LUZP2: variants seen among roughly 807,000 people sequenced by gnomAD.
The protein encoded by LUZP2 is leucine zipper protein 2.
In LUZP2, 52 loss-of-function variants were observed where a neutral mutation model predicts 51.6. That is an observed-to-expected ratio of 1.01 (90% CI 0.81 to 1.27). The LOEUF (loss-of-function observed/expected upper bound fraction) is 1.27. LUZP2 is among the 50% of genes most tolerant of loss of function. The pLI is 0.00. For missense variants in LUZP2, 436 were observed against 395.4 expected, an observed-to-expected ratio of 1.10 and a Z score of -0.87; for synonymous variants, 154 against 137.3, an observed-to-expected ratio of 1.12 and a Z score of -0.85.
intron 7 of LUZP2, among the ~76,000 whole-genome samples, chr11:24,918,693 CA>C (rs1853886188): frequency 6.6e-6 from 1 of 150,844 alleles, no homozygotes; most frequent in Non-Finnish European, 1.5e-5. Context: ...AAAAAAGTGT[CA>C]AAAAATATAA....
chr11:24,842,033 C>T (rs2134202158), intron 5 of LUZP2, among the ~76,000 whole-genome samples: 1 of 151,352 alleles, frequency 6.6e-6, no homozygotes, highest in Non-Finnish European at 1.5e-5. Context: ...TATTGTTAAG[C>T]TTTAAAATAG....
At chr11:24,980,035 C>CA (rs973276957) in intron 8 of LUZP2, among the ~76,000 whole-genome samples, 15 of 151,768 alleles carry the variant, frequency 9.9e-5, no homozygotes, top group African/African-American at 3.6e-4. Context: ...GCAGAGGTCT[C>CA]AAAATATTGA....
chr11:24,563,119 C>T (rs1453812709), intron 1 of LUZP2, among the ~76,000 whole-genome samples: 1 of 152,144 alleles, frequency 6.6e-6, no homozygotes, highest in Non-Finnish European at 1.5e-5. Flanking sequence ...AATTAACTAG[C>T]TTCACCCATT....
intron 7 of LUZP2, among the ~76,000 whole-genome samples, chr11:24,959,441 T>C (rs1484909673): frequency 1.3e-5 from 2 of 152,130 alleles, no homozygotes; most frequent in South Asian, 2.1e-4. Flanking sequence ...TGAGCAGCGG[T>C]TTGTAGTTCT....
rs1434099217 is a variant in LUZP2, at chr11:25,030,930, A to ATATATT, written c.766-19108_766-19107insTATATT. Among the ~76,000 whole-genome samples the ATATATT allele has an allele frequency of 2.7e-3, 20 of 7,460 alleles. 1 individual carries two copies. Among genetic ancestry groups the ATATATT allele is most frequent in the African/African-American group, 0.02 (19 of 968 alleles). 4.9% of individuals were successfully genotyped at this position (7,460 alleles called of 152,430 possible). ...AATATATATTGTATTATATATATAT[A>ATATATT]ATATATATTATATATATTATATATA... On this transcript the variant is annotated intron_variant, in intron 9 of 11. Transcript: ENST00000336930.
chr11:24,740,947 A>G (rs1859115901), intron 4 of LUZP2, among the ~76,000 whole-genome samples: 3 of 152,092 alleles, frequency 2.0e-5, no homozygotes, highest in Non-Finnish European at 4.4e-5. Context: ...GTTGTATCAC[A>G]TAATCATCAT....
intron 7 of LUZP2, among the ~76,000 whole-genome samples, chr11:24,939,951 G>A (rs180993319): frequency 3.2e-3 from 481 of 152,062 alleles, no homozygotes; most frequent in Middle Eastern, 0.024. Flanking sequence ...GCCAATGAGG[G>A]CTGGCCAGTG....
chr11:24,686,074 A>G (rs1856889102), intron 1 of LUZP2, among the ~76,000 whole-genome samples: 1 of 152,172 alleles, frequency 6.6e-6, no homozygotes. Flanking sequence ...TGAAGGACTG[A>G]GTAAGCCAAA....
intron 1 of LUZP2, among the ~76,000 whole-genome samples, chr11:24,609,938 T>A (rs1854061713): frequency 6.6e-6 from 1 of 152,096 alleles, no homozygotes; most frequent in African/African-American, 2.4e-5. Flanking sequence ...TGTAGAGCAA[T>A]TTATGCCCCA....
At chr11:25,017,876 G>T (rs1369326666) in intron 9 of LUZP2, among the ~76,000 whole-genome samples, 1 of 152,086 alleles carries the variant, frequency 6.6e-6, no homozygotes, top group Non-Finnish European at 1.5e-5. Context: ...GTAAAGCATG[G>T]TTATCTTCAT....
chr11:24,620,584 A>G (rs1216765157), intron 1 of LUZP2, among the ~76,000 whole-genome samples: 1 of 152,188 alleles, frequency 6.6e-6, no homozygotes, highest in Non-Finnish European at 1.5e-5. Flanking sequence ...GAAAATGTCA[A>G]AATCCTAAAT....
chr11:24,982,259 T>C (rs577406132), intron 8 of LUZP2, among the ~76,000 whole-genome samples: 2 of 151,956 alleles, frequency 1.3e-5, no homozygotes, highest in African/African-American at 4.8e-5. Context: ...CGTTACTGGG[T>C]ATACACCAAG....
intron 5 of LUZP2, among the ~76,000 whole-genome samples, chr11:24,843,159 T>C (rs954106233): frequency 3.9e-5 from 6 of 152,010 alleles, no homozygotes; most frequent in African/African-American, 1.2e-4. Context: ...TATATTCATA[T>C]AATTACTAAA....
At chr11:24,621,961 T>TAA (rs137885610) in intron 1 of LUZP2, among the ~76,000 whole-genome samples, 3 of 147,528 alleles carry the variant, frequency 2.0e-5, no homozygotes, top group Middle Eastern at 3.5e-3. Context: ...CATACATCTT[T>TAA]AAAAAAAAAA....
chr11:24,862,832 G>T (rs1189974990), intron 5 of LUZP2, among the ~76,000 whole-genome samples: 1 of 152,130 alleles, frequency 6.6e-6, no homozygotes, highest in Admixed American at 6.6e-5. Context: ...CTTGAATTCA[G>T]AATATATAAA....
rs78455232 is a variant in LUZP2 at position 24,607,616 on chromosome 11, G to A, written c.62+110311G>A. On this transcript the variant is annotated intron_variant, in intron 1 of 11. Transcript: ENST00000336930. ...TTATTCTTGTTAAAAATTGCTTTAAGGGGTCAGGTATGTTGTGATTCCATA... is the reference window on the plus strand; with the variant it reads ...TTATTCTTGTTAAAAATTGCTTTAAAGGGTCAGGTATGTTGTGATTCCATA... Among the ~76,000 whole-genome samples the A allele has an allele frequency of 8.4e-3, 1,283 of 152,000 alleles. 15 individuals carry two copies. Among genetic ancestry groups the A allele is most frequent in the African/African-American group, 0.027 (1,121 of 41,500 alleles).
Position 24,818,287 on chromosome 11 carries a change from TAG to T in LUZP2, c.396+54981_396+54982del, listed in dbSNP as rs369155951. On this transcript the variant is annotated intron_variant, in intron 5 of 11. Transcript: ENST00000336930. The stretch of plus-strand genomic sequence containing the variant: ...GGTTTCCTCTGTAAGAAAGTTTAAA[TAG>T]AAAAGTTTTCTTTGCTTTTATGAGA... Among the ~76,000 whole-genome samples, 140 of 152,226 alleles carry T rather than the reference TAG, an allele frequency of 9.2e-4. 2 individuals are homozygous for T. In the South Asian group the frequency reaches 0.021, roughly 23 times the overall value.
At chr11:25,005,649 C>G (rs1301481475) in intron 9 of LUZP2, among the ~76,000 whole-genome samples, 1 of 152,104 alleles carries the variant, frequency 6.6e-6, no homozygotes, top group African/African-American at 2.4e-5. Flanking sequence ...CAAGAACCCG[C>G]AATGGTCCCT....
chr11:24,979,510 A>G (rs12222849), intron 8 of LUZP2, among the ~76,000 whole-genome samples: 1 of 151,972 alleles, frequency 6.6e-6, no homozygotes, highest in East Asian at 1.9e-4. Context: ...AATTTAAATA[A>G]CCTTAAGTAC....
Sources: allele counts gnomAD v4.1 joint callset (sites outside exome capture counted in the v4.1 genomes callset), GRCh38; gene constraint gnomAD v4.1.1; transcripts MANE v1.5; gene names NCBI Gene and HGNC (gene_info 2026-07-23, HGNC 2026-07-21).